The following IGHMBP2 variants were observed in gnomAD, a reference collection of about 807,000 sequenced individuals.
IGHMBP2 encodes DNA-binding protein SMUBP-2.
A neutral mutation model predicts 96.0 loss-of-function variants in IGHMBP2; 81 were observed. The ratio of observed to expected loss-of-function variants is 0.84; its 90% confidence interval spans 0.71 to 1.01. IGHMBP2 has a LOEUF of 1.01. IGHMBP2 is among the 50% of genes least tolerant of loss of function. The pLI is 0.00. For missense variants in IGHMBP2, 1,227 were observed against 1,306.3 expected (o/e 0.94, Z 0.94); for synonymous variants, 557 against 548.9 (o/e 1.01, Z -0.21).
intron 8 of IGHMBP2, 37 bp downstream of exon 8, chr11:68,929,394 C>T (rs1024987203): frequency 6.3e-7 from 1 of 1,586,490 alleles, no homozygotes; most frequent in Non-Finnish European, 8.6e-7. Context: ...TTCTCTGCCC[C>T]CGCCCTCCTG....
Position 68,914,927 on chromosome 11 carries a change from G to A in IGHMBP2, c.816G>A (p.Leu272=). ...ILRLGHPARL[L]ESIQQHSLDA... ...GCCTGGGACACCCTGCCCGCCTCCTGGAGTCCATTCAGCAGCACTCCCTGG... is the reference window on the plus strand; with the variant it reads ...GCCTGGGACACCCTGCCCGCCTCCTAGAGTCCATTCAGCAGCACTCCCTGG... Residue 272 remains leucine (L), a synonymous_variant, in exon 6 of 15, where the codon CTG becomes CTA. Coordinates refer to ENST00000255078, the MANE Select transcript of IGHMBP2 (RefSeq NM_002180.3). 3 of 1,614,106 alleles carry A rather than the reference G, an allele frequency of 1.9e-6. No homozygotes were observed. The highest frequency in any genetic ancestry group is 2.5e-6 in the Non-Finnish European group (3 of 1,180,006).
At chr11:68,907,985 G>A (rs1349764667) in intron 2 of IGHMBP2, among the ~76,000 whole-genome samples, 160 bp from the exon 3 acceptor site, 1 of 139,982 alleles carries the variant, frequency 7.1e-6, no homozygotes, top group African/African-American at 2.6e-5. Flanking sequence ...CACCGTGCCC[G>A]GCCTAACTTA....
At chr11:68,917,910 T>C (rs201788652) in intron 7 of IGHMBP2, 27 bp downstream of exon 7, 2 of 1,612,686 alleles carry the variant, frequency 1.2e-6, no homozygotes, top group Non-Finnish European at 1.7e-6. Flanking sequence ...ATCCTGCCTG[T>C]GTGGCCTCGA....
intron 8 of IGHMBP2, 105 bp from the exon 9 acceptor site, chr11:68,933,194 G>A: frequency 1.7e-6 from 2 of 1,171,352 alleles, no homozygotes; most frequent in Admixed American, 4.0e-5. Flanking sequence ...ATCCAGGGGA[G>A]AGTTGGGTCC....
rs988590959 is a variant in IGHMBP2, at chr11:68,934,522, C to T, written c.1596C>T (p.Ala532=). The T allele has an allele frequency of 4.3e-6, 7 of 1,612,912 alleles. No individual in the cohort carries two copies. Among genetic ancestry groups the T allele is most frequent in the South Asian group, 1.1e-5 (1 of 90,740 alleles). Residue 532 remains alanine (A), a synonymous_variant, in exon 11 of 15, where the codon GCC becomes GCT. Transcript: ENST00000255078. ...CTCTGGTGGACGCTGGTGTTCCAGC[C>T]CGTGACATTGCTGTGGTCTCGCCAT... is the stretch of plus-strand genomic sequence containing the variant. ...IQALVDAGVP[A]RDIAVVSPYN...
chr11:68,907,955 C>CT (rs1011869505), intron 2 of IGHMBP2, among the ~76,000 whole-genome samples, 190 bp from the exon 3 acceptor site: 1 of 151,746 alleles, frequency 6.6e-6, no homozygotes, highest in Non-Finnish European at 1.5e-5. Context: ...TCCCAAAGTA[C>CT]TGGGATTACA....
At chr11:68,935,187 T>C (rs1859476502) in intron 11 of IGHMBP2, 112 bp from the exon 12 acceptor site, 1 of 1,441,880 alleles carries the variant, frequency 6.9e-7, no homozygotes, top group Admixed American at 1.9e-5. Context: ...CAGGCTCCGC[T>C]TCCCAGGTCC....
intron 7 of IGHMBP2, among the ~76,000 whole-genome samples, chr11:68,925,108 C>T (rs1466089612): frequency 6.7e-6 from 1 of 150,124 alleles, no homozygotes; most frequent in Non-Finnish European, 1.5e-5. Context: ...AACCTCTCAG[C>T]TGGTGGGCTG....
chr11:68,921,185 CT>C (rs11392795), intron 7 of IGHMBP2, among the ~76,000 whole-genome samples: 3 of 147,324 alleles, frequency 2.0e-5, no homozygotes, highest in Admixed American at 6.8e-5. Flanking sequence ...TTGAACATTT[CT>C]TTTTTTTTTT....
intron 7 of IGHMBP2, among the ~76,000 whole-genome samples, chr11:68,918,470 C>T (rs1002306689): frequency 9.9e-5 from 15 of 151,840 alleles, no homozygotes; most frequent in African/African-American, 3.6e-4. Flanking sequence ...GGTGAAACCC[C>T]ATCTCTACTA....
Position 68,906,214 on chromosome 11 carries a change from C to T in IGHMBP2, c.232C>T (p.Leu78Phe). Residue 78 changes from leucine (L) to phenylalanine (F), a missense_variant, in exon 2 of 15, where the codon CTT (leucine) becomes TTT (phenylalanine). Around this residue, in one of 3 missense-constraint regions of IGHMBP2, gnomAD observed 507 missense variants for 496.9 expected, o/e 1.02. Transcript: ENST00000255078. ...CAGGCGATACGGGTCCGCGGCAGCT[C>T]TTCCCAGTAACAGCTTTACTTCTGG... ...EPRRYGSAAA[L>F]PSNSFTSGDI... The T allele has an allele frequency of 6.2e-7, 1 of 1,614,016 alleles. No homozygotes were observed. The highest frequency in any genetic ancestry group is 8.5e-7 in the Non-Finnish European group (1 of 1,179,956).
rs1409369410 is a variant in IGHMBP2, at chr11:68,911,476, C to T, written c.584C>T (p.Ser195Phe). The change falls in exon 5 of 15, where the codon TCC (serine) becomes TTC (phenylalanine). Residue 195 changes from serine (S) to phenylalanine (F), a missense_variant. By Grantham distance (155) the Ser-to-Phe change is radical. Coordinates refer to ENST00000255078, the MANE Select transcript of IGHMBP2 (RefSeq NM_002180.3). Reference protein sequence around the residue: ...LTFFNTCLDTSQKEAVLFALS... With the variant: ...LTFFNTCLDTFQKEAVLFALS... ...TTCTTCAACACCTGCCTGGACACCT[C>T]CCAGAAAGAAGCGGTTTTATTTGCG... 6.2e-7 allele frequency: 1 copy of T among 1,614,162 alleles called. No individual in the cohort carries two copies. The highest frequency in any genetic ancestry group is 8.5e-7 in the Non-Finnish European group (1 of 1,180,016).
At chr11:68,939,499 T>C in intron 14 of IGHMBP2, 35 bp from the exon 15 acceptor site, 1 of 1,609,392 alleles carries the variant, frequency 6.2e-7, no homozygotes, top group Non-Finnish European at 8.5e-7. Flanking sequence ...TCCTTGCCCC[T>C]GTGAGCCCAG....
At chr11:68,923,478 G>A (rs1241713084) in intron 7 of IGHMBP2, among the ~76,000 whole-genome samples, 1 of 152,084 alleles carries the variant, frequency 6.6e-6, no homozygotes, top group African/African-American at 2.4e-5. Flanking sequence ...GCTGGGATTG[G>A]TGTGAGCCAC....
chr11:68,922,689 C>T (rs1455991437), intron 7 of IGHMBP2, among the ~76,000 whole-genome samples: 3 of 152,198 alleles, frequency 2.0e-5, no homozygotes, highest in Admixed American at 1.3e-4. Context: ...CCACCGCACC[C>T]GGCCTCATGT....
At chr11:68,934,305 C>G (rs1002200547) in intron 10 of IGHMBP2, 159 bp from the exon 11 acceptor site, 9 of 695,760 alleles carry the variant, frequency 1.3e-5, no homozygotes, top group African/African-American at 5.3e-5. Flanking sequence ...CATGGCTGGT[C>G]CTGGGGCCCT....
chr11:68,905,349 G>T (rs954548916), intron 1 of IGHMBP2, among the ~76,000 whole-genome samples: 7 of 152,312 alleles, frequency 4.6e-5, no homozygotes, highest in East Asian at 1.9e-4. Flanking sequence ...GACTTTGCAG[G>T]TTCTGTCTCT....
chr11:68,937,874 G>C (rs1014882722), intron 13 of IGHMBP2: 1 of 405,728 alleles, frequency 2.5e-6, no homozygotes, highest in Non-Finnish European at 4.6e-6. Flanking sequence ...TGTATGCCAC[G>C]CTTTGTGCTA....
At chr11:68,939,080 C>T (rs1171993626) in intron 14 of IGHMBP2, among the ~76,000 whole-genome samples, 3 of 152,132 alleles carry the variant, frequency 2.0e-5, no homozygotes, top group Non-Finnish European at 4.4e-5. Context: ...AAGCCCCAGG[C>T]CCAGTCAGAG....
Sources: gnomAD v4.1 joint callset for allele counts (sites outside exome capture counted in the v4.1 genomes callset) on GRCh38, gnomAD v4.1.1 for gene constraint, gnomAD v4.1.1 regional missense constraint, MANE v1.5 for transcripts, NCBI Gene and HGNC (gene_info 2026-07-23, HGNC 2026-07-21) for gene names.